NR6A1: variants seen among roughly 807,000 people sequenced by gnomAD.
NR6A1 encodes the protein nuclear receptor subfamily 6 group A member 1.
Under a neutral mutation model 59.1 loss-of-function variants are expected in NR6A1, and 7 were observed. The observed-to-expected ratio is 0.12, with a 90% CI of 0.07 to 0.22. The LOEUF (loss-of-function observed/expected upper bound fraction) is 0.22, where lower values mean the gene tolerates loss of function less well. Ranked by LOEUF, NR6A1 falls within the 10% of genes least tolerant of loss-of-function variation. NR6A1 has a pLI of 1.00. For synonymous variants in NR6A1, 243 were observed against 236.1 expected (o/e 1.03, Z -0.27); for missense variants, 468 against 611.6 (o/e 0.77, Z 2.48).
chr9:124,583,315 A>G (rs761820471), intron 2 of NR6A1, among the ~76,000 whole-genome samples: 6 of 152,200 alleles, frequency 3.9e-5, no homozygotes, highest in African/African-American at 1.4e-4. Flanking sequence ...TTCACAGAGT[A>G]TAACTTCTTA....
intron 7 of NR6A1, among the ~76,000 whole-genome samples, chr9:124,534,485 T>A (rs1490937775): frequency 2.0e-5 from 3 of 152,068 alleles, no homozygotes; most frequent in African/African-American, 7.3e-5. Context: ...GCAGAGTAAA[T>A]GAGTAAAAAG....
intron 2 of NR6A1, among the ~76,000 whole-genome samples, chr9:124,673,880 G>A (rs1180986222): frequency 6.6e-6 from 1 of 152,138 alleles, no homozygotes; most frequent in East Asian, 1.9e-4. Flanking sequence ...TTTGGAACTA[G>A]GCTCTGTCCT....
chr9:124,648,088 T>TA (rs991994877), intron 2 of NR6A1, among the ~76,000 whole-genome samples: 27 of 151,748 alleles, frequency 1.8e-4, no homozygotes, highest in South Asian at 4.2e-4. Flanking sequence ...AGCAACACAT[T>TA]AAAAAAAATC....
chr9:124,654,518 T>A (rs1251317628), intron 2 of NR6A1, among the ~76,000 whole-genome samples: 1 of 152,140 alleles, frequency 6.6e-6, no homozygotes, highest in Non-Finnish European at 1.5e-5. Flanking sequence ...CAATCCCACA[T>A]GAGAGCTCTT....
At chr9:124,536,484 C>A (rs1442630040) in intron 6 of NR6A1, among the ~76,000 whole-genome samples, 1 of 151,972 alleles carries the variant, frequency 6.6e-6, no homozygotes, top group Non-Finnish European at 1.5e-5. Context: ...CATGGTGAAA[C>A]CCCATCTCTA....
intron 2 of NR6A1, among the ~76,000 whole-genome samples, chr9:124,660,714 A>T (rs2130941268): frequency 6.6e-6 from 1 of 150,730 alleles, no homozygotes; most frequent in South Asian, 2.1e-4. Flanking sequence ...TAGCTTTTTT[A>T]ACCACCTCCA....
At chr9:124,585,403 G>T (rs1564190470) in intron 2 of NR6A1, among the ~76,000 whole-genome samples, 1 of 152,024 alleles carries the variant, frequency 6.6e-6, no homozygotes, top group Non-Finnish European at 1.5e-5. Context: ...AATTAGCCAG[G>T]TATGGTGGCA....
chr9:124,672,392 G>A (rs1054641963), intron 2 of NR6A1, among the ~76,000 whole-genome samples: 2 of 152,006 alleles, frequency 1.3e-5, no homozygotes, highest in South Asian at 2.1e-4. Flanking sequence ...CGAGGCGGGC[G>A]GATCATGAGG....
chr9:124,647,572 A>T (rs1302473020), intron 2 of NR6A1, among the ~76,000 whole-genome samples: 1 of 152,064 alleles, frequency 6.6e-6, no homozygotes, highest in Non-Finnish European at 1.5e-5. Context: ...TACTAAAAAT[A>T]CAAAAATTAG....
chr9:124,606,165 C>T (rs751534587), intron 2 of NR6A1, among the ~76,000 whole-genome samples: 3 of 152,134 alleles, frequency 2.0e-5, no homozygotes, highest in East Asian at 1.9e-4. Context: ...TTCCCAAATG[C>T]GCCTTTGCAT....
At chr9:124,731,654 G>A (rs1839886721) in intron 2 of NR6A1, among the ~76,000 whole-genome samples, 2 of 152,164 alleles carry the variant, frequency 1.3e-5, no homozygotes, top group African/African-American at 4.8e-5. Context: ...TGAAGGTGGT[G>A]AGGATGAAGA....
intron 2 of NR6A1, among the ~76,000 whole-genome samples, chr9:124,690,136 TTCCTGCA>T (rs1211845614): frequency 6.6e-6 from 1 of 152,224 alleles, no homozygotes; most frequent in Non-Finnish European, 1.5e-5. Context: ...ATAGTGATGC[TTCCTGCA>T]TGGTGCTTGG....
At chr9:124,739,007 A>T (rs2131142621) in intron 1 of NR6A1, among the ~76,000 whole-genome samples, 1 of 150,912 alleles carries the variant, frequency 6.6e-6, no homozygotes, top group East Asian at 2.0e-4. Flanking sequence ...ATCTAAAAAA[A>T]AAAAAAATAC....
intron 3 of NR6A1, among the ~76,000 whole-genome samples, chr9:124,550,270 C>T (rs986558595): frequency 2.0e-5 from 3 of 151,952 alleles, no homozygotes; most frequent in Non-Finnish European, 2.9e-5. Flanking sequence ...TATATATTTG[C>T]AGACTATGCA....
chr9:124,656,693 G>A (rs552150418), intron 2 of NR6A1, among the ~76,000 whole-genome samples: 5 of 152,228 alleles, frequency 3.3e-5, no homozygotes, highest in South Asian at 2.1e-4. Flanking sequence ...CTAGCCAGGC[G>A]TGGTGGTGGG....
chr9:124,561,884 C>G (rs1834094497), intron 2 of NR6A1, among the ~76,000 whole-genome samples: 1 of 152,124 alleles, frequency 6.6e-6, no homozygotes, highest in African/African-American at 2.4e-5. Context: ...TGCACTCCAG[C>G]CTGGGTGACA....
At position 124,535,930 on chromosome 9, in the gene NR6A1, C is replaced by G. The variant is rs777076001; in HGVS notation, c.1027G>C (p.Glu343Gln). ...TACTTGGCAGTGACATCAGCCAGTT[C>G]CCCAAAGATCTGCTTGCTGTAAACG... The part of the protein sequence containing the change: ...LTVYSKQIFG[E>Q]LADVTAKYSP... The change falls in exon 7 of 10, where the codon GAA becomes CAA. Residue 343 changes from glutamate (E) to glutamine (Q), a missense_variant. Physicochemically the swap from Glu to Gln is conservative, Grantham distance 29. This residue lies in a region of NR6A1 where 176 missense variants were observed against 264.0 expected (regional missense o/e 0.67). Transcript: ENST00000487099. 1.9e-6 allele frequency: 3 copies of G among 1,614,206 alleles called. No homozygotes were observed. Among genetic ancestry groups the G allele is most frequent in the Non-Finnish European group, 2.5e-6 (3 of 1,180,032 alleles).
intron 2 of NR6A1, among the ~76,000 whole-genome samples, chr9:124,596,810 A>G (rs1204455521): frequency 3.3e-5 from 5 of 152,250 alleles, no homozygotes; most frequent in Admixed American, 3.3e-4. Flanking sequence ...ATGGCACATG[A>G]TGTCAAACAT....
At chr9:124,617,077 A>C (rs910873418) in intron 2 of NR6A1, among the ~76,000 whole-genome samples, 1 of 152,236 alleles carries the variant, frequency 6.6e-6, no homozygotes, top group African/African-American at 2.4e-5. Flanking sequence ...CAGTAGAGGA[A>C]GAGCCAAGAT....
Sources: allele counts gnomAD v4.1 joint callset (sites outside exome capture counted in the v4.1 genomes callset), GRCh38; gene constraint gnomAD v4.1.1; regional missense constraint gnomAD v4.1.1; transcripts MANE v1.5; gene names NCBI Gene and HGNC (gene_info 2026-07-23, HGNC 2026-07-21).